PRELID2: variants seen among roughly 807,000 people sequenced by gnomAD.
PRELID2 encodes the protein PRELI domain containing 2, also known as PRELI domain-containing protein 2.
A neutral mutation model predicts 28.4 loss-of-function variants in PRELID2; 25 were observed. The observed-to-expected ratio is 0.88, with a 90% CI of 0.64 to 1.23. The LOEUF (loss-of-function observed/expected upper bound fraction) is 1.23, where lower values mean the gene tolerates loss of function less well. PRELID2 is among the 50% of genes most tolerant of loss of function. The pLI is 0.00. For synonymous variants in PRELID2, 76 were observed against 71.6 expected (o/e 1.06, Z -0.31); for missense variants, 201 against 214.4 (o/e 0.94, Z 0.39).
At chr5:145,406,839 C>A in the PRELID2 span, among the ~76,000 whole-genome samples, 6 of 152,266 alleles carry the variant, frequency 3.9e-5, no homozygotes, top group Middle Eastern at 6.8e-3. Flanking sequence ...AAAGATTTAA[C>A]CTTACCTAGA....
At chr5:145,535,474 CAGT>C (rs1752691079) in intron 1 of PRELID2, among the ~76,000 whole-genome samples, 1 of 151,616 alleles carries the variant, frequency 6.6e-6, no homozygotes, top group Non-Finnish European at 1.5e-5. Context: ...AGGCACATAA[CAGT>C]AGGTTTTATT....
chr5:145,604,936 A>G (rs1272356715), intron 1 of PRELID2, among the ~76,000 whole-genome samples: 6 of 140,018 alleles, frequency 4.3e-5, no homozygotes, highest in East Asian at 2.0e-4. Flanking sequence ...ATTCTTCTGT[A>G]TATATATATA....
intron 4 of PRELID2, among the ~76,000 whole-genome samples, chr5:145,810,189 C>T (rs958980744): frequency 1.3e-5 from 2 of 152,164 alleles, no homozygotes; most frequent in Non-Finnish European, 2.9e-5. Context: ...AGCATATTCC[C>T]ACAAAAGCTG....
intron 5 of PRELID2, among the ~76,000 whole-genome samples, chr5:145,777,002 G>A (rs1240584123): frequency 6.6e-6 from 1 of 152,110 alleles, no homozygotes; most frequent in Non-Finnish European, 1.5e-5. Flanking sequence ...TGCAAGGGTG[G>A]GATTGTTTTA....
intron 5 of PRELID2, among the ~76,000 whole-genome samples, chr5:145,768,013 T>C (rs530049110): frequency 2.2e-3 from 340 of 151,900 alleles, no homozygotes; most frequent in Non-Finnish European, 3.3e-3. Flanking sequence ...GATCACGAGG[T>C]CAAGAGATGG....
intron 1 of PRELID2, among the ~76,000 whole-genome samples, chr5:145,538,446 A>C (rs1159495025): frequency 6.6e-6 from 1 of 151,954 alleles, no homozygotes; most frequent in Admixed American, 6.6e-5. Context: ...TATGAATTAA[A>C]ATTGTAATTC....
At chr5:145,679,616 A>T (rs1754893472) in intron 1 of PRELID2, among the ~76,000 whole-genome samples, 1 of 152,136 alleles carries the variant, frequency 6.6e-6, no homozygotes, top group Admixed American at 6.6e-5. Context: ...GATGCTCAGT[A>T]AATACTTCTT....
the PRELID2 span, among the ~76,000 whole-genome samples, chr5:145,446,640 G>A: frequency 6.6e-6 from 1 of 152,050 alleles, no homozygotes; most frequent in Non-Finnish European, 1.5e-5. Context: ...AGACCAACAG[G>A]GAAAGGGAGA....
intron 1 of PRELID2, among the ~76,000 whole-genome samples, chr5:145,826,537 C>T (rs539569224): frequency 5.9e-5 from 9 of 152,312 alleles, no homozygotes; most frequent in East Asian, 1.9e-4. Context: ...CTTCACAGAA[C>T]GTGTAAACTA....
At chr5:145,817,766 TTAA>T (rs1754472485) in intron 4 of PRELID2, 125 bp downstream of exon 4, 1 of 798,972 alleles carries the variant, frequency 1.3e-6, no homozygotes, top group Admixed American at 3.8e-5. Context: ...GATTAAAAAA[TTAA>T]TAATGTGGAA....
chr5:145,405,701 T>G, the PRELID2 span, among the ~76,000 whole-genome samples: 4 of 64,008 alleles, frequency 6.2e-5, no homozygotes, highest in South Asian at 1.7e-3. Flanking sequence ...ACCACATAGT[T>G]GTTTTTTTTT....
chr5:145,291,357 AAAAAG>A, the PRELID2 span, among the ~76,000 whole-genome samples: 15 of 150,494 alleles, frequency 1.0e-4, no homozygotes, highest in African/African-American at 3.7e-4. Context: ...AAAAAAAAAA[AAAAAG>A]GAGAGGGGTA....
chr5:145,456,561 G>T, the PRELID2 span, among the ~76,000 whole-genome samples: 3 of 152,088 alleles, frequency 2.0e-5, no homozygotes, highest in Non-Finnish European at 4.4e-5. Context: ...CAAAATGCTT[G>T]TTTATTGTTT....
At chr5:145,751,699 G>C (rs2149751845), downstream of PRELID2, among the ~76,000 whole-genome samples, 2 of 152,276 alleles carry the variant, frequency 1.3e-5, no homozygotes, top group African/African-American at 4.8e-5. Flanking sequence ...AAGAGTTTTT[G>C]GGCCAGGCAC....
chr5:145,577,043 G>A (rs1753067037), intron 1 of PRELID2, among the ~76,000 whole-genome samples: 1 of 152,230 alleles, frequency 6.6e-6, no homozygotes, highest in South Asian at 2.1e-4. Context: ...AGACACAGTG[G>A]TTCCAGGCTT....
At chr5:145,490,269 C>A (rs1043673670) in intron 1 of PRELID2, among the ~76,000 whole-genome samples, 1 of 151,960 alleles carries the variant, frequency 6.6e-6, no homozygotes, top group African/African-American at 2.4e-5. Context: ...ATTTTAAGTC[C>A]CAGAAGCTCA....
At chr5:145,589,396 A>G (rs1753196313) in intron 1 of PRELID2, among the ~76,000 whole-genome samples, 1 of 152,160 alleles carries the variant, frequency 6.6e-6, no homozygotes, top group African/African-American at 2.4e-5. Flanking sequence ...TAATGGTTAA[A>G]AGAGTGTAAT....
At chr5:145,521,473 A>G (rs191811959) in intron 1 of PRELID2, among the ~76,000 whole-genome samples, 7 of 152,302 alleles carry the variant, frequency 4.6e-5, no homozygotes, top group Non-Finnish European at 8.8e-5. Flanking sequence ...CATGTACAAC[A>G]TGGGGATCCA....
At chr5:145,744,058 CTG>C (rs915351752) in intron 1 of PRELID2, among the ~76,000 whole-genome samples, 14 of 152,248 alleles carry the variant, frequency 9.2e-5, no homozygotes, top group African/African-American at 3.1e-4. Context: ...CTGTGGCAGA[CTG>C]TGGCCAGAGT....
Sources: gnomAD v4.1 joint callset for allele counts (sites outside exome capture counted in the v4.1 genomes callset) on GRCh38, gnomAD v4.1.1 for gene constraint, MANE v1.5 for transcripts, NCBI Gene and HGNC (gene_info 2026-07-23, HGNC 2026-07-21) for gene names.